ZNF680: variants seen among roughly 807,000 people sequenced by gnomAD.
The protein encoded by ZNF680 is hypothetical protein FLJ90430.
A neutral mutation model predicts 12.1 loss-of-function variants in ZNF680; 6 were observed. The observed-to-expected ratio is 0.49, with a 90% CI of 0.27 to 0.98. The LOEUF is 0.98. Among genes scored for constraint, ZNF680 ranks in the 50% least tolerant of loss-of-function variants. The pLI, the probability that ZNF680 is intolerant of heterozygous loss-of-function variation, is 0.12. For missense variants in ZNF680, 561 were observed against 616.3 expected (o/e 0.91, Z 0.95); for synonymous variants, 170 against 199.3 (o/e 0.85, Z 1.24).
intron 1 of ZNF680, among the ~76,000 whole-genome samples, chr7:64,558,954 G>T (rs1227601977): frequency 6.6e-6 from 1 of 152,024 alleles, no homozygotes; most frequent in African/African-American, 2.4e-5. Flanking sequence ...AAGAAAAAAG[G>T]CCGGGTGGGG....
Position 64,521,018 on chromosome 7 carries a change from A to T in ZNF680, c.*143T>A. ...ATGTGAGTATTGGTTAAGTTTTGTC[A>T]CATTCTTTACACTTATAAAGTTTTC... On this transcript the variant is annotated 3_prime_UTR_variant, in exon 4 of 4. Transcript: ENST00000309683. 1.1e-6 allele frequency: 1 copy of T among 901,020 alleles called. No individual in the cohort carries two copies. Among genetic ancestry groups the T allele is most frequent in the African/African-American group, 1.7e-5 (1 of 59,646 alleles). 55.8% of individuals were successfully genotyped at this position (901,020 alleles called of 1,614,324 possible).
the ZNF680 span, chr7:64,501,637 G>A: frequency 3.5e-6 from 3 of 860,058 alleles, no homozygotes; most frequent in South Asian, 1.3e-5. Flanking sequence ...AATGAAGGTG[G>A]GGGATGGCCA....
chr7:64,538,767 A>C, intron 3 of ZNF680, among the ~76,000 whole-genome samples: 1 of 152,212 alleles, frequency 6.6e-6, no homozygotes, highest in Non-Finnish European at 1.5e-5. Context: ...ATGGATCTAC[A>C]TCCAAACTAT....
chr7:64,543,675 C>T lies in ZNF680; in HGVS notation c.253+32G>A, dbSNP rs528607210. 2.6e-6 allele frequency: 4 copies of T among 1,559,836 alleles called. No individual in the cohort carries two copies. In the Middle Eastern group the frequency reaches 5.1e-4, roughly 197 times the overall value. On this transcript the variant is annotated intron_variant, in intron 3 of 3. Coordinates refer to ENST00000309683, the MANE Select transcript of ZNF680 (RefSeq NM_178558.5). The stretch of plus-strand genomic sequence containing the variant: ...TGACATCTGGACCTCTCATCTGTGT[C>T]ATCTGTTGTATTCACTATCACTCTC...
rs1441129726 is a variant in ZNF680, at chr7:64,530,812, T to C, written c.254-8312A>G. Reference sequence around the variant, plus strand: ...GGCGGAGGTTGCAGTGAGCCAAGATTGTGCCACTGCACTCCAGCCTGGGCA... The same window carrying C: ...GGCGGAGGTTGCAGTGAGCCAAGATCGTGCCACTGCACTCCAGCCTGGGCA... On this transcript the variant is annotated intron_variant, in intron 3 of 3. Transcript: ENST00000309683. 2.0e-5 allele frequency among the ~76,000 whole-genome samples: 3 copies of C among 151,038 alleles called. No individual in the cohort carries two copies. The East Asian group carries it at 5.9e-4, about 30-fold the overall frequency.
At chr7:64,545,186 C>A (rs1207389872) in intron 1 of ZNF680, among the ~76,000 whole-genome samples, 1 of 146,348 alleles carries the variant, frequency 6.8e-6, no homozygotes, top group Non-Finnish European at 1.5e-5. Context: ...ATCGCTTGAA[C>A]CTGGGAGGTG....
At chr7:64,533,187 A>G (rs1785978657) in intron 3 of ZNF680, among the ~76,000 whole-genome samples, 1 of 152,222 alleles carries the variant, frequency 6.6e-6, no homozygotes, top group Admixed American at 6.5e-5. Flanking sequence ...AGACAAGAGA[A>G]ATAAAGGGCA....
intron 3 of ZNF680, among the ~76,000 whole-genome samples, chr7:64,543,505 T>C (rs959562150): frequency 1.1e-4 from 17 of 152,210 alleles, no homozygotes; most frequent in African/African-American, 4.1e-4. Context: ...AGATCACTGA[T>C]GGGAAAGTAG....
At chr7:64,550,860 C>T (rs920117040) in intron 1 of ZNF680, among the ~76,000 whole-genome samples, 1 of 152,100 alleles carries the variant, frequency 6.6e-6, no homozygotes, top group African/African-American at 2.4e-5. Flanking sequence ...GCTTGGTTGG[C>T]GCCTTATATG....
Position 64,522,400 on chromosome 7 carries a change from C to A in ZNF680, c.354G>T (p.Glu118Asp), listed in dbSNP as rs776820290. 2.5e-6 allele frequency: 4 copies of A among 1,611,912 alleles called. No homozygotes were observed. The South Asian group carries it at 3.3e-5, about 13-fold the overall frequency. ...TACAACTTATTCTTAATTGTAAATTCTCATGTCCACATTTTCCATATCCTC... is the reference window on the plus strand; with the variant it reads ...TACAACTTATTCTTAATTGTAAATTATCATGTCCACATTTTCCATATCCTC... ...ILRGYGKCGH[E>D]NLQLRISCKS... is the part of the protein sequence containing the mutation. The change falls in exon 4 of 4, where the codon GAG (glutamate) becomes GAT (aspartate). Residue 118 changes from glutamate (E) to aspartate (D), a missense_variant. Glu to Asp is a conservative substitution (Grantham distance 45, BLOSUM62 2). Coordinates refer to ENST00000309683, the MANE Select transcript of ZNF680 (RefSeq NM_178558.5).
chr7:64,521,605 G>A lies in ZNF680; in HGVS notation c.1149C>T (p.Cys383=), dbSNP rs367620407. 6.3e-5 allele frequency: 101 copies of A among 1,601,004 alleles called. No homozygotes were observed. The highest frequency in any genetic ancestry group is 4.6e-4 in the South Asian group (42 of 90,412). ...TGEKSYKCEE[C]GKAFIQSSNL... ...TTGAGGACTGTATAAAAGCTTTGCC[G>A]CATTCTTCACATTTGTAGGATTTCT... The change falls in exon 4 of 4, where the codon TGC becomes TGT. Residue 383 remains cysteine (C), a synonymous_variant. Transcript: ENST00000309683.
At chr7:64,530,341 G>GT (rs1461012747) in intron 3 of ZNF680, among the ~76,000 whole-genome samples, 1 of 152,180 alleles carries the variant, frequency 6.6e-6, no homozygotes, top group African/African-American at 2.4e-5. Context: ...AACATTGAAT[G>GT]TAAGTGGCCT....
At chr7:64,505,021 A>AT in the ZNF680 span, among the ~76,000 whole-genome samples, 1 of 152,198 alleles carries the variant, frequency 6.6e-6, no homozygotes, top group African/African-American at 2.4e-5. Flanking sequence ...AAATTCTTGT[A>AT]TTGCCTTGGA....
intron 3 of ZNF680, among the ~76,000 whole-genome samples, chr7:64,539,376 G>A (rs13225999): frequency 0.46 from 30,779 of 67,150 alleles, 4,401 homozygotes; most frequent in African/African-American, 0.51. Context: ...AAAAAAAAAA[G>A]AAAAGAAAAT....
At chr7:64,544,034 G>A (rs966048230) in intron 2 of ZNF680, 4 of 597,714 alleles carry the variant, frequency 6.7e-6, no homozygotes, top group Non-Finnish European at 1.1e-5. Context: ...AAATTTTAAG[G>A]TGTGGGCAAC....
chr7:64,546,739 T>C lies in ZNF680; in HGVS notation c.31-2307A>G, dbSNP rs183062644. On this transcript the variant is annotated intron_variant, in intron 1 of 3. Transcript: ENST00000309683. ...GTTTGGGCGACAGAGTGAGACTCCA[T>C]CTCTTAAATATATGTTTCTCTTTTC... Among the ~76,000 whole-genome samples, 411 of 152,186 alleles carry C rather than the reference T, an allele frequency of 2.7e-3. 1 individual carries two copies. Among genetic ancestry groups the C allele is most frequent in the Middle Eastern group, 0.01 (3 of 294 alleles).
At chr7:64,515,826 C>T (rs1449918638), downstream of ZNF680, among the ~76,000 whole-genome samples, 1 of 91,468 alleles carries the variant, frequency 1.1e-5, no homozygotes, top group African/African-American at 3.8e-5. Flanking sequence ...GGGCACTCAC[C>T]TTTATTTAAA....
At chr7:64,555,761 A>C (rs1203397251) in intron 1 of ZNF680, among the ~76,000 whole-genome samples, 6 of 150,204 alleles carry the variant, frequency 4.0e-5, no homozygotes. Flanking sequence ...AAATAAGATA[A>C]ACCACTAGCT....
chr7:64,555,463 A>G (rs977355176), intron 1 of ZNF680, among the ~76,000 whole-genome samples: 17 of 152,138 alleles, frequency 1.1e-4, no homozygotes, highest in African/African-American at 4.1e-4. Flanking sequence ...AAAAAATGAG[A>G]ACAAAGATAC....
Sources: allele counts gnomAD v4.1 joint callset (sites outside exome capture counted in the v4.1 genomes callset), GRCh38; gene constraint gnomAD v4.1.1; transcripts MANE v1.5; gene names NCBI Gene and HGNC (gene_info 2026-07-23, HGNC 2026-07-21).